Variants in TRPM3 observed in about 807,000 individuals in gnomAD.
TRPM3 encodes the protein transient receptor potential cation channel subfamily M member 3, also known as long transient receptor potential channel 3.
In TRPM3, 77 loss-of-function variants were observed where a neutral mutation model predicts 181.2. The observed-to-expected ratio is 0.42, with a 90% CI of 0.35 to 0.51. TRPM3 has a LOEUF of 0.51. Among genes scored for constraint, TRPM3 ranks in the 20% least tolerant of loss-of-function variants. The pLI, the probability that TRPM3 is intolerant of heterozygous loss-of-function variation, is 0.01. For synonymous variants in TRPM3, 745 were observed against 796.4 expected (o/e 0.94, Z 1.09); for missense variants, 1,759 against 2,196.7 (o/e 0.80, Z 3.98).
At chr9:70,628,246 C>T (rs968453113) in intron 12 of TRPM3, among the ~76,000 whole-genome samples, 2 of 152,118 alleles carry the variant, frequency 1.3e-5, no homozygotes. Flanking sequence ...GGATGACCGC[C>T]CGAGGATGCC....
chr9:71,238,904 G>A (rs530577510), intron 1 of TRPM3, among the ~76,000 whole-genome samples: 16 of 152,112 alleles, frequency 1.1e-4, no homozygotes, highest in African/African-American at 3.1e-4. Context: ...GCCAACCCTT[G>A]TCCTAAGAGG....
chr9:71,425,370 A>G (rs574340283), intron 1 of TRPM3, among the ~76,000 whole-genome samples: 9 of 152,198 alleles, frequency 5.9e-5, no homozygotes, highest in East Asian at 1.9e-4. Flanking sequence ...GCTTTCTTCC[A>G]AAGCCTATTT....
chr9:71,044,553 T>C (rs1452603145), intron 1 of TRPM3, among the ~76,000 whole-genome samples: 2 of 152,260 alleles, frequency 1.3e-5, no homozygotes, highest in Admixed American at 6.5e-5. Context: ...TATTGTATCA[T>C]TATGAAGACA....
intron 11 of TRPM3, among the ~76,000 whole-genome samples, chr9:70,637,310 C>T (rs926321920): frequency 2.0e-5 from 3 of 152,126 alleles, no homozygotes; most frequent in African/African-American, 4.8e-5. Context: ...AAAAATGGTG[C>T]TTAATGCCAA....
intron 8 of TRPM3, among the ~76,000 whole-genome samples, chr9:70,740,752 G>A (rs1341151399): frequency 6.6e-6 from 1 of 152,136 alleles, no homozygotes; most frequent in Non-Finnish European, 1.5e-5. Flanking sequence ...TGGGATAATT[G>A]GCAATCACAT....
intron 22 of TRPM3, among the ~76,000 whole-genome samples, chr9:70,568,303 A>G (rs1036157977): frequency 1.3e-5 from 2 of 152,216 alleles, no homozygotes; most frequent in African/African-American, 4.8e-5. Context: ...ATTTATAATT[A>G]TCTAGAAACA....
At chr9:71,274,853 C>T (rs73647995) in intron 1 of TRPM3, among the ~76,000 whole-genome samples, 37,616 of 152,098 alleles carry the variant, frequency 0.25, 5,489 homozygotes, top group African/African-American at 0.39. Context: ...TCCTCTCCTT[C>T]ACCTCCAGTG....
chr9:70,960,661 G>A (rs1439071939), intron 1 of TRPM3, among the ~76,000 whole-genome samples: 2 of 152,154 alleles, frequency 1.3e-5, no homozygotes, highest in Non-Finnish European at 1.5e-5. Context: ...CATAAAACAA[G>A]CTGAGGCTGT....
chr9:70,593,749 C>T (rs1417394428), intron 21 of TRPM3, among the ~76,000 whole-genome samples: 1 of 151,258 alleles, frequency 6.6e-6, no homozygotes, highest in Non-Finnish European at 1.5e-5. Context: ...TTTTTTAAAG[C>T]TAAATTATCC....
chr9:71,346,069 G>T (rs946205858), intron 1 of TRPM3, among the ~76,000 whole-genome samples: 6 of 152,076 alleles, frequency 3.9e-5, no homozygotes, highest in South Asian at 4.1e-4. Context: ...TTCTTTAAAA[G>T]AATTGTACAA....
intron 9 of TRPM3, among the ~76,000 whole-genome samples, chr9:70,662,062 A>G (rs1230813408): frequency 6.6e-6 from 1 of 152,200 alleles, no homozygotes; most frequent in Non-Finnish European, 1.5e-5. Flanking sequence ...GGGTACTGGT[A>G]TAAAAATAGG....
At chr9:70,921,564 G>A (rs2096653415) in intron 1 of TRPM3, among the ~76,000 whole-genome samples, 1 of 152,172 alleles carries the variant, frequency 6.6e-6, no homozygotes, top group Non-Finnish European at 1.5e-5. Flanking sequence ...AGAAGAGGTT[G>A]TTACTCCCTT....
At chr9:71,207,219 T>A (rs1454096308) in intron 1 of TRPM3, among the ~76,000 whole-genome samples, 3 of 152,146 alleles carry the variant, frequency 2.0e-5, no homozygotes, top group Non-Finnish European at 2.9e-5. Flanking sequence ...AAAAACACCA[T>A]GCTGCTAACA....
At position 70,984,947 on chromosome 9, in the gene TRPM3, T is replaced by C. The variant is rs922057468; in HGVS notation, c.178-120436A>G. On this transcript the variant is annotated intron_variant, in intron 1 of 25. Coordinates refer to ENST00000677713, the MANE Select transcript of TRPM3 (RefSeq NM_001366145.2). ...AGGTCATTCAGAGTTTCCTGAATCTTTGTCCTAGGTTCTAGCTTTTTGCTG... is the reference window on the plus strand; with the variant it reads ...AGGTCATTCAGAGTTTCCTGAATCTCTGTCCTAGGTTCTAGCTTTTTGCTG... Among the ~76,000 whole-genome samples, 4 of 152,382 alleles carry C rather than the reference T, an allele frequency of 2.6e-5. No homozygotes were observed. In the East Asian group the frequency reaches 7.7e-4, roughly 29 times the overall value.
At chr9:71,303,880 G>A (rs985507660) in intron 1 of TRPM3, among the ~76,000 whole-genome samples, 1 of 151,732 alleles carries the variant, frequency 6.6e-6, no homozygotes, top group African/African-American at 2.4e-5. Context: ...TTCAAGATTT[G>A]TTTCTGTGAA....
chr9:71,169,925 C>T (rs1241767130), intron 1 of TRPM3, among the ~76,000 whole-genome samples: 1 of 147,072 alleles, frequency 6.8e-6, no homozygotes, highest in African/African-American at 2.5e-5. Flanking sequence ...TCCCTGGAAC[C>T]CAGAAGGAAG....
At chr9:71,279,056 T>C (rs1504385) in intron 1 of TRPM3, among the ~76,000 whole-genome samples, 1,149 of 88,258 alleles carry the variant, frequency 0.013, 73 homozygotes, top group African/African-American at 0.057. Context: ...AAAATAAAAA[T>C]AAAAATAAAA....
chr9:70,848,556 G>A (rs948100564), intron 3 of TRPM3, among the ~76,000 whole-genome samples: 2 of 152,126 alleles, frequency 1.3e-5, no homozygotes, highest in African/African-American at 4.8e-5. Flanking sequence ...AACACCAAAG[G>A]GAGGGGAAAT....
intron 1 of TRPM3, among the ~76,000 whole-genome samples, chr9:71,200,971 A>G (rs1391437370): frequency 1.3e-5 from 2 of 151,788 alleles, no homozygotes; most frequent in Non-Finnish European, 2.9e-5. Context: ...CCTAGCCTCG[A>G]TGGTCTTTAC....
Sources: gnomAD v4.1 joint callset for allele counts (sites outside exome capture counted in the v4.1 genomes callset) on GRCh38, gnomAD v4.1.1 for gene constraint, MANE v1.5 for transcripts, NCBI Gene and HGNC (gene_info 2026-07-23, HGNC 2026-07-21) for gene names.